The following B3GALT1 variants were observed in gnomAD, a reference collection of about 807,000 sequenced individuals.
The protein encoded by B3GALT1 is beta-1,3-galactosyltransferase 1.
Under a neutral mutation model 23.2 loss-of-function variants are expected in B3GALT1, and 10 were observed. That is an observed-to-expected ratio of 0.43 (90% CI 0.27 to 0.73). The LOEUF (loss-of-function observed/expected upper bound fraction) is 0.73, where lower values mean the gene tolerates loss of function less well. Among genes scored for constraint, B3GALT1 ranks in the 30% least tolerant of loss-of-function variants. The probability of loss-of-function intolerance (pLI) is 0.21; values close to 1 mark genes in which losing one functional copy is unlikely to be tolerated. For missense variants in B3GALT1, 299 were observed against 405.4 expected, an observed-to-expected ratio of 0.74 and a Z score of 2.25; for synonymous variants, 156 against 141.5, an observed-to-expected ratio of 1.10 and a Z score of -0.73.
intron 3 of B3GALT1, among the ~76,000 whole-genome samples, chr2:167,716,387 T>C (rs529683398): frequency 9.2e-5 from 14 of 152,272 alleles, no homozygotes; most frequent in Non-Finnish European, 1.8e-4. Flanking sequence ...GAATACACTT[T>C]TAAAATTGCT....
At chr2:167,751,295 A>G (rs149213342) in intron 3 of B3GALT1, among the ~76,000 whole-genome samples, 42 of 152,222 alleles carry the variant, frequency 2.8e-4, no homozygotes, top group African/African-American at 9.1e-4. Context: ...AATGTGTCAT[A>G]ATACCAGCAA....
intron 3 of B3GALT1, among the ~76,000 whole-genome samples, chr2:167,653,855 G>A (rs2105466355): frequency 6.6e-6 from 1 of 152,294 alleles, no homozygotes. Context: ...CCTTTGCTCG[G>A]TTCATCACCA....
At chr2:167,454,228 C>T (rs942605877) in intron 1 of B3GALT1, among the ~76,000 whole-genome samples, 3 of 138,174 alleles carry the variant, frequency 2.2e-5, no homozygotes, top group Admixed American at 7.0e-5. Context: ...CGCGCGTGCA[C>T]GTGTGTGCAT....
In B3GALT1 at chr2:167,561,985, C is replaced by T. The variant is rs185973792; in HGVS notation, c.-410+71708C>T. ...GCCAGCATCATCCTGATACCAAAGC[C>T]GGCCAGAAACACAACCAAAAAAGAG... On this transcript the variant is annotated intron_variant, in intron 2 of 4. Coordinates refer to ENST00000392690, the MANE Select transcript of B3GALT1 (RefSeq NM_020981.4). Among the ~76,000 whole-genome samples, 585 of 152,266 alleles carry T rather than the reference C, an allele frequency of 3.8e-3. 4 individuals are homozygous for T. The highest frequency in any genetic ancestry group is 0.013 in the African/African-American group (546 of 41,544).
chr2:167,843,515 A>G (rs973880904), intron 4 of B3GALT1, among the ~76,000 whole-genome samples: 1 of 152,178 alleles, frequency 6.6e-6, no homozygotes, highest in Non-Finnish European at 1.5e-5. Flanking sequence ...CAGCCTCTTA[A>G]TAACTGCCGC....
chr2:167,867,286 T>C (rs1398208143), intron 4 of B3GALT1, among the ~76,000 whole-genome samples: 1 of 152,144 alleles, frequency 6.6e-6, no homozygotes, highest in Non-Finnish European at 1.5e-5. Flanking sequence ...TGTTTAAAGT[T>C]TCAAAACTTG....
At chr2:167,597,104 GT>G (rs1214248960) in intron 2 of B3GALT1, among the ~76,000 whole-genome samples, 1 of 141,130 alleles carries the variant, frequency 7.1e-6, no homozygotes, top group Non-Finnish European at 1.5e-5. Flanking sequence ...TTTGGTTTTT[GT>G]TTTTTGTTTT....
intron 3 of B3GALT1, among the ~76,000 whole-genome samples, chr2:167,781,295 C>T (rs1310024759): frequency 6.6e-6 from 1 of 152,062 alleles, no homozygotes; most frequent in Non-Finnish European, 1.5e-5. Context: ...TCCAGCACAG[C>T]AAAGAATGTT....
intron 2 of B3GALT1, among the ~76,000 whole-genome samples, chr2:167,502,988 G>A (rs964954660): frequency 6.6e-6 from 1 of 152,118 alleles, no homozygotes; most frequent in Non-Finnish European, 1.5e-5. Context: ...GCAGTGAGCC[G>A]AGATCACGGC....
chr2:167,800,291 C>G (rs1428360080), intron 3 of B3GALT1, among the ~76,000 whole-genome samples: 1 of 152,126 alleles, frequency 6.6e-6, no homozygotes, highest in Non-Finnish European at 1.5e-5. Flanking sequence ...GCTCAGCATC[C>G]TTGTATGATG....
At chr2:167,841,103 C>T (rs1278279445) in intron 4 of B3GALT1, among the ~76,000 whole-genome samples, 1 of 150,854 alleles carries the variant, frequency 6.6e-6, no homozygotes, top group African/African-American at 2.4e-5. Context: ...TGCAGGGCAC[C>T]AGCATGGCAC....
intron 3 of B3GALT1, among the ~76,000 whole-genome samples, chr2:167,651,070 A>C (rs1044358469): frequency 6.6e-6 from 1 of 151,930 alleles, no homozygotes; most frequent in Non-Finnish European, 1.5e-5. Flanking sequence ...ATAAAGATAA[A>C]TTGTCCTGAG....
intron 1 of B3GALT1, among the ~76,000 whole-genome samples, chr2:167,411,539 A>G (rs1574068678): frequency 6.6e-6 from 1 of 152,180 alleles, no homozygotes; most frequent in Admixed American, 6.5e-5. Context: ...CCCAGTTAAG[A>G]CTGCTTGTAT....
chr2:167,596,472 C>T (rs1185145243), intron 2 of B3GALT1, among the ~76,000 whole-genome samples: 1 of 152,142 alleles, frequency 6.6e-6, no homozygotes, highest in Non-Finnish European at 1.5e-5. Context: ...TTCCAAGTCT[C>T]ATTGTTCTCA....
intron 1 of B3GALT1, among the ~76,000 whole-genome samples, chr2:167,345,108 G>A (rs1286216340): frequency 6.6e-6 from 1 of 152,054 alleles, no homozygotes; most frequent in Non-Finnish European, 1.5e-5. Flanking sequence ...AGTAAATGAT[G>A]GCCACCAGTC....
In B3GALT1 at chr2:167,610,172, TA is replaced by T. The variant is rs368565772; in HGVS notation, c.-409-36735del. Among the ~76,000 whole-genome samples the T allele has an allele frequency of 4.4e-4, 67 of 152,276 alleles. No individual in the cohort carries two copies. The East Asian group carries it at 0.012, about 28-fold the overall frequency. On this transcript the variant is annotated intron_variant, in intron 2 of 4. Transcript: ENST00000392690. Reference sequence around the variant, plus strand: ...GATGAAGGTTAGTCGTAAGAAAGACTAACCTTTTGCTCCTGCTTGAATGGAT... The same window carrying T: ...GATGAAGGTTAGTCGTAAGAAAGACTACCTTTTGCTCCTGCTTGAATGGAT...
At chr2:167,494,925 T>G (rs1113988) in intron 2 of B3GALT1, among the ~76,000 whole-genome samples, 4,858 of 152,258 alleles carry the variant, frequency 0.032, 133 homozygotes, top group African/African-American at 0.074. Flanking sequence ...TCTTTAAATG[T>G]TGTACCATTG....
Position 167,516,969 on chromosome 2 carries a change from T to A in B3GALT1, c.-410+26692T>A, listed in dbSNP as rs1006440122. Among the ~76,000 whole-genome samples the A allele has an allele frequency of 3.6e-4, 15 of 41,286 alleles. No individual in the cohort carries two copies. In the East Asian group the frequency reaches 0.094, roughly 258 times the overall value. The allele number at this position is 41,286 out of a possible 152,430, so 27.1% of individuals were successfully genotyped here. A position where few individuals can be genotyped will look rare whatever the true frequency, so the allele number is the denominator to read the frequency against. ...GTGTGTGTATATATATATATATATA[T>A]ATGACACTTAAGCTTCTTTGTTATC... On this transcript the variant is annotated intron_variant, in intron 2 of 4. Transcript: ENST00000392690.
At chr2:167,412,213 CAA>C (rs1379555583) in intron 1 of B3GALT1, among the ~76,000 whole-genome samples, 6 of 152,100 alleles carry the variant, frequency 3.9e-5, no homozygotes, top group African/African-American at 1.4e-4. Flanking sequence ...CTCTTTTCAT[CAA>C]AAAGTCATTA....
Sources: gnomAD v4.1 joint callset for allele counts (sites outside exome capture counted in the v4.1 genomes callset) on GRCh38, gnomAD v4.1.1 for gene constraint, MANE v1.5 for transcripts, NCBI Gene and HGNC (gene_info 2026-07-23, HGNC 2026-07-21) for gene names.